The following ALDH1L1 variants were observed in gnomAD, a reference collection of about 807,000 sequenced individuals.
ALDH1L1 encodes the protein cytosolic 10-formyltetrahydrofolate dehydrogenase.
In ALDH1L1, 68 loss-of-function variants were observed where a neutral mutation model predicts 101.1. The observed-to-expected ratio is 0.67, with a 90% CI of 0.55 to 0.82. The LOEUF (loss-of-function observed/expected upper bound fraction) is 0.82. Ranked by LOEUF, ALDH1L1 falls within the 40% of genes least tolerant of loss-of-function variation. The pLI, the probability that ALDH1L1 is intolerant of heterozygous loss-of-function variation, is 0.00. For synonymous variants in ALDH1L1, 486 were observed against 470.8 expected, an observed-to-expected ratio of 1.03 and a Z score of -0.42; for missense variants, 1,087 against 1,172.7, an observed-to-expected ratio of 0.93 and a Z score of 1.07.
intron 12 of ALDH1L1, 160 bp downstream of exon 12, chr3:126,135,375 A>C (rs970983867): frequency 7.6e-6 from 7 of 918,180 alleles, no homozygotes; most frequent in African/African-American, 1.8e-5. Flanking sequence ...AGCCTCAGGC[A>C]AGGAGCCCCA....
chr3:126,145,628 G>A (rs1691274316), intron 9 of ALDH1L1, among the ~76,000 whole-genome samples: 1 of 152,210 alleles, frequency 6.6e-6, no homozygotes, highest in African/African-American at 2.4e-5. Flanking sequence ...GTACTAGAGT[G>A]GCCAAGCTCA....
chr3:126,111,747 C>T (rs1946083789), intron 19 of ALDH1L1, among the ~76,000 whole-genome samples: 1 of 152,208 alleles, frequency 6.6e-6, no homozygotes. Flanking sequence ...TCTCTGAAAC[C>T]ATGTGTGGCG....
intron 12 of ALDH1L1, among the ~76,000 whole-genome samples, chr3:126,133,628 T>C (rs2365001): frequency 0.67 from 101,441 of 152,160 alleles, 33,905 homozygotes; most frequent in Middle Eastern, 0.76. Flanking sequence ...ATTCTATTGT[T>C]AATTCAGTTA....
At chr3:126,177,287 T>C (rs1213107784) in intron 1 of ALDH1L1, among the ~76,000 whole-genome samples, 4 of 152,234 alleles carry the variant, frequency 2.6e-5, no homozygotes, top group Non-Finnish European at 4.4e-5. Flanking sequence ...TGCTAAAACT[T>C]GGAAGCAACC....
At chr3:126,189,942 T>C (rs150602944) in intron 1 of ALDH1L1, among the ~76,000 whole-genome samples, 1 of 152,218 alleles carries the variant, frequency 6.6e-6, no homozygotes, top group Non-Finnish European at 1.5e-5. Context: ...TCTTTCAACT[T>C]TTCTAGAAGA....
chr3:126,161,057 A>G, intron 1 of ALDH1L1, 55 bp from the exon 2 acceptor site: 1 of 1,583,304 alleles, frequency 6.3e-7, no homozygotes, highest in African/African-American at 1.3e-5. Context: ...CAGAGAAGCC[A>G]GCCCTGGTTC....
chr3:126,137,096 C>T (rs1181587887), intron 10 of ALDH1L1, among the ~76,000 whole-genome samples: 1 of 152,136 alleles, frequency 6.6e-6, no homozygotes, highest in East Asian at 1.9e-4. Flanking sequence ...CTCCCTGTGC[C>T]ACCTTGGGCT....
chr3:126,192,781 G>T (rs1458914551), intron 1 of ALDH1L1, among the ~76,000 whole-genome samples: 1 of 152,182 alleles, frequency 6.6e-6, no homozygotes, highest in African/African-American at 2.4e-5. Context: ...CTTGTTAAAA[G>T]AAAAACTTCA....
chr3:126,156,871 T>C (rs1221673942), intron 4 of ALDH1L1, among the ~76,000 whole-genome samples: 1 of 152,208 alleles, frequency 6.6e-6, no homozygotes, highest in East Asian at 1.9e-4. Flanking sequence ...TGTTTCTCTT[T>C]CCCTGGAATC....
At position 126,157,504 on chromosome 3, in the gene ALDH1L1, G is replaced by C; in HGVS notation, c.367C>G (p.Leu123Val). 1 of 1,613,616 alleles carries C rather than the reference G, an allele frequency of 6.2e-7. No individual in the cohort carries two copies. Among genetic ancestry groups the C allele is most frequent in the Non-Finnish European group, 8.5e-7 (1 of 1,179,844 alleles). The change falls in exon 4 of 23, where the codon CTC (leucine) becomes GTC (valine). Residue 123 changes from leucine (L) to valine (V), a missense_variant. Transcript: ENST00000393434. The part of the protein sequence containing the change: ...HRGASAINWT[L>V]IHGDKKGGFS... ...CCCCCTTTCTTATCTCCGTGAATGA[G>C]GGTCCTAGGAAGCAGAAGAGTGAAA... is the stretch of plus-strand genomic sequence containing the variant.
intron 1 of ALDH1L1, among the ~76,000 whole-genome samples, chr3:126,192,259 C>G (rs1470506375): frequency 6.6e-6 from 1 of 152,172 alleles, no homozygotes; most frequent in Non-Finnish European, 1.5e-5. Context: ...ATTACAAGGA[C>G]TGATACATAG....
chr3:126,178,403 A>G (rs952941503), intron 1 of ALDH1L1, among the ~76,000 whole-genome samples: 18 of 151,668 alleles, frequency 1.2e-4, no homozygotes, highest in African/African-American at 4.1e-4. Context: ...AAAGAAAAAA[A>G]AAAAAAGAAA....
In ALDH1L1 at chr3:126,127,436, G is replaced by A. The variant is rs567466942; in HGVS notation, c.1695-1715C>T. On this transcript the variant is annotated intron_variant, in intron 14 of 22. Coordinates refer to ENST00000393434, the MANE Select transcript of ALDH1L1 (RefSeq NM_012190.4). ...CCTTGGGGCCATTCTCCTGCTGTGCGGCCCTGAGCCCCCTCCTCTGCCCTC... is the reference window on the plus strand; with the variant it reads ...CCTTGGGGCCATTCTCCTGCTGTGCAGCCCTGAGCCCCCTCCTCTGCCCTC... Among the ~76,000 whole-genome samples, 5 of 152,262 alleles carry A rather than the reference G, an allele frequency of 3.3e-5. No homozygotes were observed. The East Asian group carries it at 5.8e-4, about 18-fold the overall frequency.
intron 14 of ALDH1L1, 193 bp downstream of exon 14, chr3:126,130,030 G>A (rs1426226870): frequency 2.1e-6 from 1 of 479,184 alleles, no homozygotes; most frequent in Non-Finnish European, 3.5e-6. Context: ...CAGTGTTACT[G>A]GGAGATTAAA....
chr3:126,157,610 T>G, intron 3 of ALDH1L1, 102 bp from the exon 4 acceptor site: 1 of 1,336,336 alleles, frequency 7.5e-7, no homozygotes, highest in Non-Finnish European at 1.0e-6. Flanking sequence ...AGGCCCTCTC[T>G]TCCCAGGGGT....
chr3:126,148,214 C>T (rs1488635751), intron 8 of ALDH1L1, among the ~76,000 whole-genome samples: 8 of 152,220 alleles, frequency 5.3e-5, no homozygotes, highest in Admixed American at 5.2e-4. Flanking sequence ...CATGAAAATG[C>T]AGGCAGCCCC....
chr3:126,183,760 T>G (rs1056904479), upstream of ALDH1L1, among the ~76,000 whole-genome samples: 4 of 152,200 alleles, frequency 2.6e-5, no homozygotes, highest in African/African-American at 9.7e-5. Flanking sequence ...TTCCTAAGTC[T>G]GTAGATTGAG....
At chr3:126,192,424 A>G (rs2081558260) in intron 1 of ALDH1L1, among the ~76,000 whole-genome samples, 1 of 152,244 alleles carries the variant, frequency 6.6e-6, no homozygotes, top group Admixed American at 6.5e-5. Context: ...ATATCAGTAA[A>G]GGAAGAAGCC....
chr3:126,134,157 T>C (rs1334074355), intron 12 of ALDH1L1, among the ~76,000 whole-genome samples: 2 of 152,146 alleles, frequency 1.3e-5, no homozygotes, highest in Non-Finnish European at 1.5e-5. Context: ...CCGGGACACC[T>C]AGACCCAGCC....
Sources: allele counts gnomAD v4.1 joint callset (sites outside exome capture counted in the v4.1 genomes callset), GRCh38; gene constraint gnomAD v4.1.1; transcripts MANE v1.5; gene names NCBI Gene and HGNC (gene_info 2026-07-23, HGNC 2026-07-21).